PAK1: variants seen among roughly 807,000 people sequenced by gnomAD.
PAK1 encodes the protein serine/threonine-protein kinase PAK 1.
PAK1 carries 29 observed loss-of-function variants against 67.4 expected under a neutral mutation model. The ratio of observed to expected loss-of-function variants is 0.43; its 90% CI spans 0.32 to 0.59. The LOEUF (loss-of-function observed/expected upper bound fraction) is 0.59. Ranked by LOEUF, PAK1 falls within the 20% of genes least tolerant of loss-of-function variation. PAK1 has a pLI of 0.07. For synonymous variants in PAK1, 223 were observed against 237.4 expected (o/e 0.94, Z 0.56); for missense variants, 337 against 670.7 (o/e 0.50, Z 5.50).
At chr11:77,448,789 G>T (rs1305380605) in intron 1 of PAK1, among the ~76,000 whole-genome samples, 4 of 152,176 alleles carry the variant, frequency 2.6e-5, no homozygotes, top group Admixed American at 2.6e-4. Context: ...GAAGTTTTTT[G>T]TGGAAAGCAA....
the PAK1 span, among the ~76,000 whole-genome samples, chr11:77,481,875 T>A: frequency 1.3e-5 from 2 of 152,160 alleles, no homozygotes; most frequent in African/African-American, 4.8e-5. Context: ...CTACTATATC[T>A]CTAGAGCTTG....
At chr11:77,508,104 T>G in the PAK1 span, among the ~76,000 whole-genome samples, 1 of 152,252 alleles carries the variant, frequency 6.6e-6, no homozygotes, top group Non-Finnish European at 1.5e-5. Flanking sequence ...AATCATACAG[T>G]ATGTGTTACT....
intron 1 of PAK1, chr11:77,408,077 T>C (rs1428940538): frequency 6.6e-6 from 1 of 152,278 alleles, no homozygotes; most frequent in Non-Finnish European, 1.5e-5. Context: ...GTCCTAGCTC[T>C]GCCACTGTCT....
At chr11:77,463,532 T>C (rs1957457865) in intron 1 of PAK1, among the ~76,000 whole-genome samples, 1 of 152,234 alleles carries the variant, frequency 6.6e-6, no homozygotes, top group African/African-American at 2.4e-5. Flanking sequence ...TGGAAACTTG[T>C]ATTAATCAAT....
chr11:77,450,290 T>C (rs1383638255), intron 1 of PAK1, among the ~76,000 whole-genome samples: 4 of 152,174 alleles, frequency 2.6e-5, no homozygotes, highest in Non-Finnish European at 5.9e-5. Flanking sequence ...GATGTTTACC[T>C]GATCATGTGG....
chr11:77,376,606 A>T (rs497172), intron 4 of PAK1, among the ~76,000 whole-genome samples: 1 of 151,660 alleles, frequency 6.6e-6, no homozygotes, highest in Non-Finnish European at 1.5e-5. Context: ...GCATAGTGGC[A>T]TGCACCTGTA....
At chr11:77,526,144 A>G in the PAK1 span, among the ~76,000 whole-genome samples, 1 of 152,258 alleles carries the variant, frequency 6.6e-6, no homozygotes, top group Non-Finnish European at 1.5e-5. Flanking sequence ...AGGGACAAAT[A>G]GCAGGATGGA....
At chr11:77,487,771 T>G in the PAK1 span, among the ~76,000 whole-genome samples, 1 of 152,256 alleles carries the variant, frequency 6.6e-6, no homozygotes, top group East Asian at 1.9e-4. Flanking sequence ...CACAGTAGAA[T>G]AGAGCACCAG....
chr11:77,393,575 G>A (rs1951438766), intron 1 of PAK1, among the ~76,000 whole-genome samples: 1 of 152,172 alleles, frequency 6.6e-6, no homozygotes, highest in Non-Finnish European at 1.5e-5. Context: ...GGAATTACAG[G>A]CGAGAGCCAC....
At chr11:77,480,527 T>G in the PAK1 span, among the ~76,000 whole-genome samples, 1 of 149,246 alleles carries the variant, frequency 6.7e-6, no homozygotes, top group South Asian at 2.1e-4. Context: ...CATGGTTTTT[T>G]TTTTTTTTTT....
chr11:77,511,490 C>G, the PAK1 span, among the ~76,000 whole-genome samples: 1 of 152,134 alleles, frequency 6.6e-6, no homozygotes, highest in Non-Finnish European at 1.5e-5. Flanking sequence ...GGAGTTTTGC[C>G]TGCAGGCTAT....
chr11:77,440,847 CCCTCCCACCTCTACCTGCT>C (rs1402743290), intron 1 of PAK1, among the ~76,000 whole-genome samples: 32 of 150,828 alleles, frequency 2.1e-4, no homozygotes, highest in African/African-American at 3.0e-4. Flanking sequence ...CTCTATCTGC[CCCTCCCACCTCTACCTGCT>C]CCTCCCACCT....
In PAK1 at chr11:77,323,454, G is replaced by A. The variant is rs1938857540; in HGVS notation, c.1552-94C>T. 1.9e-5 allele frequency: 16 copies of A among 842,530 alleles called. 1 individual carries two copies. In the South Asian group the frequency reaches 2.2e-4, roughly 12 times the overall value. 52.2% of individuals were successfully genotyped at this position (842,530 alleles called of 1,614,324 possible). On this transcript the variant is annotated intron_variant, in intron 14 of 14. Transcript: ENST00000356341. ...CATAAAGGCATCTTTGTTTGTAAAG[G>A]GTGCTGTGTGGAAAGCTTCTGATCA...
chr11:77,518,778 G>A, the PAK1 span, among the ~76,000 whole-genome samples: 2 of 152,070 alleles, frequency 1.3e-5, no homozygotes, highest in Non-Finnish European at 2.9e-5. Flanking sequence ...CATTTATTTT[G>A]TTCCATTGAT....
At chr11:77,509,167 A>G in the PAK1 span, among the ~76,000 whole-genome samples, 10 of 151,746 alleles carry the variant, frequency 6.6e-5, no homozygotes, top group Admixed American at 3.9e-4. Flanking sequence ...CTGAGGCAGG[A>G]GAATGGCGTG....
At chr11:77,391,329 G>A (rs1481070193) in intron 2 of PAK1, among the ~76,000 whole-genome samples, 2 of 152,164 alleles carry the variant, frequency 1.3e-5, no homozygotes, top group African/African-American at 4.8e-5. Flanking sequence ...TGTGTGGAAG[G>A]TACTCTATTA....
chr11:77,414,557 A>G (rs1954844545), intron 1 of PAK1, among the ~76,000 whole-genome samples: 1 of 152,270 alleles, frequency 6.6e-6, no homozygotes, highest in Non-Finnish European at 1.5e-5. Flanking sequence ...ACATAAATAG[A>G]TCAGTGGAAT....
intron 14 of PAK1, among the ~76,000 whole-genome samples, chr11:77,331,814 T>TA (rs35258337): frequency 6.0e-5 from 9 of 149,348 alleles, no homozygotes; most frequent in Admixed American, 2.7e-4. Flanking sequence ...AAAAAAGAAT[T>TA]AAAAAAAAAG....
the PAK1 span, among the ~76,000 whole-genome samples, chr11:77,499,432 A>G: frequency 6.6e-6 from 1 of 152,118 alleles, no homozygotes; most frequent in Non-Finnish European, 1.5e-5. Flanking sequence ...TTTCAGACAA[A>G]TGTTCCTACT....
Sources: allele counts gnomAD v4.1 joint callset (sites outside exome capture counted in the v4.1 genomes callset), GRCh38; gene constraint gnomAD v4.1.1; transcripts MANE v1.5; gene names NCBI Gene and HGNC (gene_info 2026-07-23, HGNC 2026-07-21).